CELSR3: variants seen among roughly 807,000 people sequenced by gnomAD.
The protein encoded by CELSR3 is EGF-like protein 1.
CELSR3 carries 73 observed loss-of-function variants against 270.0 expected under a neutral mutation model. The observed-to-expected ratio is 0.27, with a 90% CI of 0.22 to 0.33. CELSR3 has a LOEUF of 0.33. CELSR3 is among the 10% of genes least tolerant of loss of function. The pLI, the probability that CELSR3 is intolerant of heterozygous loss-of-function variation, is 1.00. For synonymous variants in CELSR3, 1,780 were observed against 1,905.4 expected (o/e 0.93, Z 1.71); for missense variants, 3,614 against 4,533.8 (o/e 0.80, Z 5.83).
Position 48,654,347 on chromosome 3 carries a change from G to A in CELSR3, c.5094C>T (p.His1698=), listed in dbSNP as rs769689189. The A allele has an allele frequency of 3.0e-5, 49 of 1,613,984 alleles. No individual in the cohort carries two copies. The highest frequency in any genetic ancestry group is 4.2e-5 in the Non-Finnish European group (49 of 1,180,030). Residue 1698 remains histidine, a synonymous_variant, in exon 7 of 35, where the codon CAC becomes CAT. Coordinates refer to ENST00000164024, the MANE Select transcript of CELSR3 (RefSeq NM_001407.3). This position sits in a 1 kb window ranked among gnomAD's most constrained non-coding sequence, Gnocchi z 5.4. ...KDFIGCMRDL[H]IDGRRVDMAA... is the part of the protein sequence containing the mutation. ...CCATGTCCACTCGGCGGCCATCAATGTGCAGGTCCCGCATACAGCCGATGA... is the reference window on the plus strand; with the variant it reads ...CCATGTCCACTCGGCGGCCATCAATATGCAGGTCCCGCATACAGCCGATGA...
At chr3:48,647,123 A>G (rs1210970851) in intron 20 of CELSR3, among the ~76,000 whole-genome samples, 195 bp from the exon 21 acceptor site, 3 of 129,542 alleles carry the variant, frequency 2.3e-5, no homozygotes, top group African/African-American at 9.1e-5. Context: ...GGCTCTGACA[A>G]AGTGAAGGTG....
Position 48,642,948 on chromosome 3 carries a change from G to A in CELSR3, c.8406+19C>T. 1 of 1,609,766 alleles carries A rather than the reference G, an allele frequency of 6.2e-7. No homozygotes were observed. Among genetic ancestry groups the A allele is most frequent in the Non-Finnish European group, 8.5e-7 (1 of 1,177,492 alleles). On this transcript the variant is annotated intron_variant, in intron 29 of 34. Transcript: ENST00000164024. The surrounding 1 kb of genome is among the most constrained non-coding windows in gnomAD (Gnocchi z 6.1). ...GCAGCCTAAAACTCTGGCTTCTCAG[G>A]GCCCCCATCCCGACTCACCAGCCCA...
intron 28 of CELSR3, 198 bp from the exon 29 acceptor site, chr3:48,643,281 G>A (rs878872711): frequency 1.6e-6 from 1 of 624,916 alleles, no homozygotes; most frequent in South Asian, 2.0e-5. Flanking sequence ...AGTCTGTAAG[G>A]TCGGTGTGGA....
In CELSR3 at chr3:48,655,247, G is replaced by A. The variant is rs1237787142; in HGVS notation, c.4831-46C>T. ...GTCAACAGTGCCCCCAGTAACCCCT[G>A]AGGAGCAGAAGTCAGCATCCCAACT... On this transcript the variant is annotated intron_variant, in intron 5 of 34. Coordinates refer to ENST00000164024, the MANE Select transcript of CELSR3 (RefSeq NM_001407.3). The surrounding 1 kb of genome is among the most constrained non-coding windows in gnomAD (Gnocchi z 5.8). The A allele has an allele frequency of 2.5e-6, 4 of 1,614,016 alleles. No homozygotes were observed. Among genetic ancestry groups the A allele is most frequent in the Non-Finnish European group, 3.4e-6 (4 of 1,179,934 alleles).
chr3:48,640,515 G>C lies in CELSR3; in HGVS notation c.9070C>G (p.Arg3024Gly), dbSNP rs548525221. 1.2e-4 allele frequency: 191 copies of C among 1,606,144 alleles called. 1 individual carries two copies. The South Asian group carries it at 2.1e-3, about 17-fold the overall frequency. Residue 3024 changes from arginine (R) to glycine (G), a missense_variant, in exon 34 of 35, where the codon CGA becomes GGA. By Grantham distance (125) the Arg-to-Gly change is moderately radical. Transcript: ENST00000164024. This position sits in a 1 kb window ranked among gnomAD's most constrained non-coding sequence, Gnocchi z 7.5. ...RLQYPLVPQT[R>G]GAPELSWCRA... ...CACCAGGACAGCTCAGGGGCACCTCGGGTCTGTGGCACCAGTGGGTATTGC... is the reference window on the plus strand; with the variant it reads ...CACCAGGACAGCTCAGGGGCACCTCCGGTCTGTGGCACCAGTGGGTATTGC...
chr3:48,656,462 C>T, intron 2 of CELSR3, 97 bp from the exon 3 acceptor site: 4 of 1,225,800 alleles, frequency 3.3e-6, no homozygotes, highest in Non-Finnish European at 4.3e-6. Context: ...GTGCCAAGAC[C>T]CCCGAAAGGT....
chr3:48,648,026 T>A (rs201712255), intron 19 of CELSR3, 30 bp from the exon 20 acceptor site: 1 of 1,608,978 alleles, frequency 6.2e-7, no homozygotes, highest in Middle Eastern at 1.7e-4. Flanking sequence ...GGGAGGCCCA[T>A]CATGGACCTC....
chr3:48,640,613 C>G lies in CELSR3; in HGVS notation c.9026-54G>C. ...GTTTGTGTGGGAGGGGGAGGGCAGG[C>G]AGGAATTGCTGAGTCTAGGGGTGTG... On this transcript the variant is annotated intron_variant, in intron 33 of 34. Transcript: ENST00000164024. The surrounding 1 kb of genome is among the most constrained non-coding windows in gnomAD (Gnocchi z 7.5). 6.8e-7 allele frequency: 1 copy of G among 1,480,042 alleles called. No individual in the cohort carries two copies. Among genetic ancestry groups the G allele is most frequent in the Non-Finnish European group, 9.0e-7 (1 of 1,108,130 alleles). 91.7% of individuals were successfully genotyped at this position (1,480,042 alleles called of 1,614,324 possible).
rs570071824 is a variant in CELSR3 at position 48,640,517 on chromosome 3, G to T, written c.9068C>A (p.Thr3023Asn). The T allele has an allele frequency of 6.2e-7, 1 of 1,605,560 alleles. No homozygotes were observed. The highest frequency in any genetic ancestry group is 1.3e-5 in the African/African-American group (1 of 74,874). The stretch of plus-strand genomic sequence containing the variant: ...CCAGGACAGCTCAGGGGCACCTCGG[G>T]TCTGTGGCACCAGTGGGTATTGCAA... ...NRLQYPLVPQ[T>N]RGAPELSWCR... is the part of the protein sequence containing the mutation. The change falls in exon 34 of 35, where the codon ACC becomes AAC. Residue 3023 changes from threonine (T) to asparagine (N), a missense_variant. Thr to Asn is a moderately conservative substitution (Grantham distance 65). Transcript: ENST00000164024. The surrounding 1 kb of genome is among the most constrained non-coding windows in gnomAD (Gnocchi z 7.5).
rs371909899 is a variant in CELSR3, at chr3:48,652,036, C to T, written c.5764G>A (p.Gly1922Ser). Residue 1922 changes from glycine (G) to serine (S), a missense_variant, in exon 12 of 35, where the codon GGC becomes AGC. Gly to Ser is a moderately conservative substitution (Grantham distance 56, BLOSUM62 0). This residue lies in a region of CELSR3 where 1,331 missense variants were observed against 1,933.7 expected (regional missense o/e 0.69). Transcript: ENST00000164024. This position sits in a 1 kb window ranked among gnomAD's most constrained non-coding sequence, Gnocchi z 4.3. The part of the protein sequence containing the change: ...LVGCIQGVWL[G>S]STPSGSPALL... ...GCCGGGGAGCCAGAGGGTGTGGAGC[C>T]GAGCCACACCCCCTGTGGACACACA... is the stretch of plus-strand genomic sequence containing the variant. The T allele has an allele frequency of 2.5e-5, 38 of 1,550,002 alleles. No individual in the cohort carries two copies. Among genetic ancestry groups the T allele is most frequent in the South Asian group, 3.7e-5 (3 of 80,658 alleles).
rs549862664 is a variant in CELSR3 at position 48,662,403 on chromosome 3, G to A, written c.232C>T (p.Leu78=). The part of the protein sequence containing the change: ...SGVREDGGPG[L]GVREPIFVGL... ...ACGAAGATAGGCTCCCTGACCCCCA[G>A]GCCAGGCCCCCCATCCTCCCGGACC... The change falls in exon 1 of 35, where the codon CTG becomes TTG. Residue 78 remains leucine (L), a synonymous_variant. Transcript: ENST00000164024. This position sits in a 1 kb window ranked among gnomAD's most constrained non-coding sequence, Gnocchi z 7.1. 1.7e-5 allele frequency: 28 copies of A among 1,612,864 alleles called. No homozygotes were observed. The South Asian group carries it at 2.7e-4, about 16-fold the overall frequency.
intron 28 of CELSR3, chr3:48,643,288 T>A (rs1414154513): frequency 1.6e-6 from 1 of 625,802 alleles, no homozygotes; most frequent in Non-Finnish European, 2.8e-6. Flanking sequence ...AAGGTCGGTG[T>A]GGATCAGCAA....
At position 48,643,587 on chromosome 3, in the gene CELSR3, G is replaced by A; in HGVS notation, c.8256C>T (p.Phe2752=). ...CGCAGAGTCCAGCATGGAGGTAGTG[G>A]AAGGCTAGGATGCTGTGGTTGACTG... ...LLAVNHSILA[F]HYLHAGLCGL... is the part of the protein sequence containing the mutation. Residue 2752 remains phenylalanine (F), a synonymous_variant, in exon 28 of 35, where the codon TTC becomes TTT. Transcript: ENST00000164024. 1 of 1,551,038 alleles carries A rather than the reference G, an allele frequency of 6.4e-7. No individual in the cohort carries two copies. The highest frequency in any genetic ancestry group is 2.4e-5 in the East Asian group (1 of 40,924).
In CELSR3 at chr3:48,648,888, A is replaced by G; in HGVS notation, c.6608T>C (p.Met2203Thr). ...CCGCTGAGCCAGCTTCTTGGCCTCC[A>G]TGGTATCCAGTGCCGTCTTGTTCAG... ...LELNKTALDT[M>T]EAKKLAQRLR... The change falls in exon 18 of 35, where the codon ATG (methionine) becomes ACG (threonine). Residue 2203 changes from methionine to threonine, a missense_variant. Met to Thr is a moderately conservative substitution (Grantham distance 81). This residue lies in a region of CELSR3 where 1,331 missense variants were observed against 1,933.7 expected (regional missense o/e 0.69). Coordinates refer to ENST00000164024, the MANE Select transcript of CELSR3 (RefSeq NM_001407.3). 2 of 1,612,844 alleles carry G rather than the reference A, an allele frequency of 1.2e-6. No homozygotes were observed. The highest frequency in any genetic ancestry group is 2.2e-5 in the East Asian group (1 of 44,886).
chr3:48,642,489 C>A lies in CELSR3; in HGVS notation c.8556-22G>T, dbSNP rs775392088. On this transcript the variant is annotated intron_variant, in intron 30 of 34. Coordinates refer to ENST00000164024, the MANE Select transcript of CELSR3 (RefSeq NM_001407.3). This position sits in a 1 kb window ranked among gnomAD's most constrained non-coding sequence, Gnocchi z 6.1. Reference sequence around the variant, plus strand: ...GTCCCTGGAAAAGCAGGAGCCCCCCCACCATGAAAGAGGGATGTGATGGGG... The same window carrying A: ...GTCCCTGGAAAAGCAGGAGCCCCCCAACCATGAAAGAGGGATGTGATGGGG... 10 of 1,606,916 alleles carry A rather than the reference C, an allele frequency of 6.2e-6. No individual in the cohort carries two copies. Among genetic ancestry groups the A allele is most frequent in the Admixed American group, 1.7e-5 (1 of 59,136 alleles).
In CELSR3 at chr3:48,662,374, C is replaced by T; in HGVS notation, c.261G>A (p.Gly87=). ...GLGVREPIFV[G]LRGRRQSARN... Reference sequence around the variant, plus strand: ...GGGCGCTTTGCCTTCTCCCTCGGAGCCCCACGAAGATAGGCTCCCTGACCC... The same window carrying T: ...GGGCGCTTTGCCTTCTCCCTCGGAGTCCCACGAAGATAGGCTCCCTGACCC... The change falls in exon 1 of 35, where the codon GGG becomes GGA. Residue 87 remains glycine, a synonymous_variant. Transcript: ENST00000164024. This position sits in a 1 kb window ranked among gnomAD's most constrained non-coding sequence, Gnocchi z 7.1. 1.2e-6 allele frequency: 2 copies of T among 1,613,012 alleles called. No homozygotes were observed. Among genetic ancestry groups the T allele is most frequent in the Non-Finnish European group, 1.7e-6 (2 of 1,180,008 alleles).
At position 48,642,103 on chromosome 3, in the gene CELSR3, G is replaced by A. The variant is rs2047032617; in HGVS notation, c.8666-94C>T. The A allele has an allele frequency of 7.9e-7, 1 of 1,264,480 alleles. No homozygotes were observed. Among genetic ancestry groups the A allele is most frequent in the Non-Finnish European group, 1.1e-6 (1 of 927,446 alleles). The allele number at this position is 1,264,480 out of a possible 1,614,324, so 78.3% of individuals were successfully genotyped here. A position where few individuals can be genotyped will look rare whatever the true frequency, so the allele number is the denominator to read the frequency against. On this transcript the variant is annotated intron_variant, in intron 31 of 34. Coordinates refer to ENST00000164024, the MANE Select transcript of CELSR3 (RefSeq NM_001407.3). This position sits in a 1 kb window ranked among gnomAD's most constrained non-coding sequence, Gnocchi z 6.1. ...GGGTCTAGAGGTGGGTACGGCAAGGGGGTTAGGGTTGGGGACAGGAACCGG... is the reference window on the plus strand; with the variant it reads ...GGGTCTAGAGGTGGGTACGGCAAGGAGGTTAGGGTTGGGGACAGGAACCGG...
rs781730256 is a variant in CELSR3 at position 48,640,299 on chromosome 3, G to T, written c.9286C>A (p.Leu3096Met). Residue 3096 changes from leucine to methionine, a missense_variant, in exon 34 of 35, where the codon CTG becomes ATG. Physicochemically the swap from Leu to Met is conservative, Grantham distance 15. This residue lies in a region of CELSR3 where 1,240 missense variants were observed against 1,351.7 expected (regional missense o/e 0.92). Coordinates refer to ENST00000164024, the MANE Select transcript of CELSR3 (RefSeq NM_001407.3). This position sits in a 1 kb window ranked among gnomAD's most constrained non-coding sequence, Gnocchi z 7.5. ...EEAPAPVLRPLSRPGSQECMD... is the reference protein window; with the variant it reads ...EEAPAPVLRPMSRPGSQECMD... ...CATTCCTGGGACCCTGGCCGGCTCAGGGGACGTAGAACAGGGGCAGGGGCT... is the reference window on the plus strand; with the variant it reads ...CATTCCTGGGACCCTGGCCGGCTCATGGGACGTAGAACAGGGGCAGGGGCT... 6.2e-7 allele frequency: 1 copy of T among 1,612,846 alleles called. No homozygotes were observed. Among genetic ancestry groups the T allele is most frequent in the South Asian group, 1.1e-5 (1 of 91,084 alleles).
rs755435758 is a variant in CELSR3 at position 48,656,202 on chromosome 3, C to T, written c.4563G>A (p.Pro1521=). Residue 1521 remains proline (P), a synonymous_variant, in exon 3 of 35, where the codon CCG becomes CCA. Coordinates refer to ENST00000164024, the MANE Select transcript of CELSR3 (RefSeq NM_001407.3). ...CGCGAAACATGACGAACGAACTGGG[C>T]GGGAAGGAGCGCGCAGCCACCTCGC... ...PRCEVAARSF[P]PSSFVMFRGL... The T allele has an allele frequency of 6.5e-7, 1 of 1,537,440 alleles. No homozygotes were observed. Among genetic ancestry groups the T allele is most frequent in the African/African-American group, 1.4e-5 (1 of 73,208 alleles).
Sources: allele counts gnomAD v4.1 joint callset (sites outside exome capture counted in the v4.1 genomes callset), GRCh38; gene constraint gnomAD v4.1.1; regional missense constraint gnomAD v4.1.1; non-coding constraint Gnocchi (gnomAD v3.1); transcripts MANE v1.5; gene names NCBI Gene and HGNC (gene_info 2026-07-23, HGNC 2026-07-21).